The following TXNDC11 variants were observed in gnomAD, a reference collection of about 807,000 sequenced individuals.
The protein encoded by TXNDC11 is thioredoxin domain containing 11.
Under a neutral mutation model 78.0 loss-of-function variants are expected in TXNDC11, and 68 were observed. The observed-to-expected ratio is 0.87, with a 90% CI of 0.72 to 1.07. The LOEUF is 1.07. TXNDC11 is among the 50% of genes least tolerant of loss of function. The pLI is 0.00. For synonymous variants in TXNDC11, 571 were observed against 495.2 expected (o/e 1.15, Z -2.03); for missense variants, 1,389 against 1,221.8 (o/e 1.14, Z -2.04).
At chr16:11,682,606 G>A (rs1567288459) in intron 11 of TXNDC11, among the ~76,000 whole-genome samples, 1 of 152,142 alleles carries the variant, frequency 6.6e-6, no homozygotes, top group Non-Finnish European at 1.5e-5. Context: ...TGGGTGCTAA[G>A]ATTTTCATAT....
chr16:11,740,647 C>T (rs889193804), intron 1 of TXNDC11, among the ~76,000 whole-genome samples: 1 of 152,210 alleles, frequency 6.6e-6, no homozygotes, highest in African/African-American at 2.4e-5. Context: ...TGTATACTGT[C>T]CTTGTGGGAG....
chr16:11,715,005 C>T (rs1394454707), intron 5 of TXNDC11, among the ~76,000 whole-genome samples: 4 of 152,174 alleles, frequency 2.6e-5, no homozygotes, highest in African/African-American at 7.2e-5. Context: ...AATCCCAGCA[C>T]TTTGGGAGGC....
intron 5 of TXNDC11, among the ~76,000 whole-genome samples, chr16:11,720,820 C>A (rs1046116783): frequency 6.6e-6 from 1 of 151,806 alleles, no homozygotes; most frequent in Non-Finnish European, 1.5e-5. Flanking sequence ...CGGTTTACTG[C>A]AACCTCTGCC....
intron 4 of TXNDC11, among the ~76,000 whole-genome samples, chr16:11,727,928 C>A (rs929843937): frequency 1.3e-5 from 2 of 152,090 alleles, no homozygotes; most frequent in African/African-American, 4.8e-5. Context: ...TTGGTTGTCA[C>A]AAATGAGGGG....
At chr16:11,713,806 C>A (rs1385591577) in intron 5 of TXNDC11, among the ~76,000 whole-genome samples, 1 of 151,982 alleles carries the variant, frequency 6.6e-6, no homozygotes, top group Admixed American at 6.6e-5. Flanking sequence ...AGAAAAAGGT[C>A]TCCCCCATGA....
Position 11,717,587 on chromosome 16 carries a change from C to T in TXNDC11, c.793+3990G>A, listed in dbSNP as rs144699784. 8.1e-3 allele frequency among the ~76,000 whole-genome samples: 1,225 copies of T among 151,542 alleles called. 9 individuals carry two copies. Among genetic ancestry groups the T allele is most frequent in the Middle Eastern group, 0.027 (8 of 294 alleles). ...CTGTAATCCCAGCACTTTGGGAGGC[C>T]GAAGCGGGCGGATCATGAGGTCAGG... On this transcript the variant is annotated intron_variant, in intron 5 of 11. Transcript: ENST00000283033.
intron 10 of TXNDC11, among the ~76,000 whole-genome samples, chr16:11,685,562 TGGCGTGAACCCGGGA>T: frequency 6.6e-6 from 1 of 151,408 alleles, no homozygotes; most frequent in South Asian, 2.1e-4. Context: ...GGCAGGAGAA[TGGCGTGAACCCGGGA>T]GGCGGAGCTT....
At chr16:11,705,162 T>C (rs1750685939) in intron 5 of TXNDC11, among the ~76,000 whole-genome samples, 1 of 152,150 alleles carries the variant, frequency 6.6e-6, no homozygotes, top group Non-Finnish European at 1.5e-5. Context: ...CCTCCCAAAG[T>C]GCTGAGATTA....
At chr16:11,740,022 G>A (rs919985341) in intron 1 of TXNDC11, among the ~76,000 whole-genome samples, 4 of 151,700 alleles carry the variant, frequency 2.6e-5, no homozygotes, top group Admixed American at 6.6e-5. Context: ...GTGAAACCCC[G>A]TCTCTACGAA....
chr16:11,742,431 G>T, intron 1 of TXNDC11, 46 bp downstream of exon 1: 1 of 1,347,434 alleles, frequency 7.4e-7, no homozygotes, highest in Non-Finnish European at 9.5e-7. Flanking sequence ...AGGCGGCAGA[G>T]CAAGGGGAGC....
rs769460739 is a variant in TXNDC11 at position 11,679,215 on chromosome 16, T to C, written c.2857A>G (p.Lys953Glu). ...VSATLVSERN[K>E]ENRTD ...AAAAGTTAGTCTGTCCTGTTCTCCT[T>C]ATTCCTTTCAGACACCAGTGTGGCG... The change falls in exon 12 of 12, where the codon AAG becomes GAG. Residue 953 changes from lysine (K) to glutamate (E), a missense_variant. Physicochemically the swap from Lys to Glu is moderately conservative, Grantham distance 56. Coordinates refer to ENST00000283033, the MANE Select transcript of TXNDC11 (RefSeq NM_015914.7). This position sits in a 1 kb window ranked among gnomAD's most constrained non-coding sequence, Gnocchi z 4.6. 5.0e-6 allele frequency: 8 copies of C among 1,613,770 alleles called. No individual in the cohort carries two copies. The highest frequency in any genetic ancestry group is 1.7e-4 in the Middle Eastern group (1 of 5,946).
rs545731522 is a variant in TXNDC11, at chr16:11,679,125, A to T, written c.*70T>A. 1 of 1,484,722 alleles carries T rather than the reference A, an allele frequency of 6.7e-7. No individual in the cohort carries two copies. Among genetic ancestry groups the T allele is most frequent in the African/African-American group, 1.4e-5 (1 of 70,404 alleles). The allele number at this position is 1,484,722 out of a possible 1,614,324, so 92.0% of individuals were successfully genotyped here. On this transcript the variant is annotated 3_prime_UTR_variant, in exon 12 of 12. Transcript: ENST00000283033. The surrounding 1 kb of genome is among the most constrained non-coding windows in gnomAD (Gnocchi z 4.6). ...AAAATCTTTATTTACAATAAATTTC[A>T]ATAAAATTTGCATAAATATATTCCC...
chr16:11,694,545 T>A (rs1439909819), intron 7 of TXNDC11, among the ~76,000 whole-genome samples: 1 of 152,038 alleles, frequency 6.6e-6, no homozygotes, highest in Non-Finnish European at 1.5e-5. Flanking sequence ...CCTCCCAGGT[T>A]CAAGCGTTTC....
chr16:11,705,098 T>A (rs1353270660), intron 5 of TXNDC11, among the ~76,000 whole-genome samples: 1 of 152,038 alleles, frequency 6.6e-6, no homozygotes, highest in Non-Finnish European at 1.5e-5. Flanking sequence ...GGTTTCACCA[T>A]GTTGGCCAGG....
intron 1 of TXNDC11, among the ~76,000 whole-genome samples, chr16:11,737,353 A>G (rs1182922532): frequency 6.6e-6 from 1 of 151,656 alleles, no homozygotes; most frequent in Non-Finnish European, 1.5e-5. Flanking sequence ...GCTGAGACAC[A>G]AGAATCGCTT....
chr16:11,729,460 T>C (rs555179021), intron 4 of TXNDC11, among the ~76,000 whole-genome samples: 25 of 93,942 alleles, frequency 2.7e-4, no homozygotes, highest in African/African-American at 1.2e-3. Flanking sequence ...AGTTAACACA[T>C]ATGTAGTTTC....
intron 5 of TXNDC11, among the ~76,000 whole-genome samples, chr16:11,720,784 A>AGTGCAGTG (rs1273596239): frequency 1.3e-5 from 2 of 151,178 alleles, no homozygotes; most frequent in Admixed American, 6.6e-5. Flanking sequence ...CCCAGGCTGG[A>AGTGCAGTG]GTGCAGTGGT....
intron 5 of TXNDC11, among the ~76,000 whole-genome samples, chr16:11,712,143 G>C (rs188555478): frequency 5.9e-5 from 9 of 152,228 alleles, no homozygotes; most frequent in African/African-American, 2.2e-4. Flanking sequence ...TACTCTAAAA[G>C]AGTCAATTTA....
intron 5 of TXNDC11, among the ~76,000 whole-genome samples, chr16:11,715,700 T>A (rs945133131): frequency 2.0e-5 from 3 of 152,072 alleles, no homozygotes; most frequent in African/African-American, 7.2e-5. Flanking sequence ...CCTCAGTAAA[T>A]ATTATCTGAA....
Sources: allele counts gnomAD v4.1 joint callset (sites outside exome capture counted in the v4.1 genomes callset), GRCh38; gene constraint gnomAD v4.1.1; non-coding constraint Gnocchi (gnomAD v3.1); transcripts MANE v1.5; gene names NCBI Gene and HGNC (gene_info 2026-07-23, HGNC 2026-07-21).